The following MPP7 variants were observed in gnomAD, a reference collection of about 807,000 sequenced individuals.
MPP7 encodes the protein MAGUK p55 scaffold protein 7, also known as MAGUK p55 subfamily member 7.
Under a neutral mutation model 76.5 loss-of-function variants are expected in MPP7, and 60 were observed. The ratio of observed to expected loss-of-function variants is 0.78; its 90% CI spans 0.64 to 0.97. MPP7 has a LOEUF of 0.97. Ranked by LOEUF, MPP7 falls within the 50% of genes least tolerant of loss-of-function variation. The probability of loss-of-function intolerance (pLI) is 0.00; values close to 1 mark genes in which losing one functional copy is unlikely to be tolerated. For synonymous variants in MPP7, 237 were observed against 244.5 expected, an observed-to-expected ratio of 0.97 and a Z score of 0.29; for missense variants, 641 against 694.0, an observed-to-expected ratio of 0.92 and a Z score of 0.86.
chr10:28,206,972 T>G (rs1457013346), intron 2 of MPP7, among the ~76,000 whole-genome samples: 1 of 152,268 alleles, frequency 6.6e-6, no homozygotes, highest in East Asian at 1.9e-4. Flanking sequence ...AACAATTCTG[T>G]CAGGTGGCCT....
chr10:28,249,446 G>A (rs772065891), intron 1 of MPP7, among the ~76,000 whole-genome samples: 3 of 152,050 alleles, frequency 2.0e-5, no homozygotes, highest in African/African-American at 7.2e-5. Context: ...AAAATTAGCC[G>A]GGCATGGTGG....
At chr10:28,073,314 C>G (rs565481915) in intron 12 of MPP7, among the ~76,000 whole-genome samples, 1 of 152,134 alleles carries the variant, frequency 6.6e-6, no homozygotes, top group Non-Finnish European at 1.5e-5. Flanking sequence ...CCTCCTGTCC[C>G]GAAACAGCCT....
Position 28,202,239 on chromosome 10 carries a change from G to A in MPP7, c.70C>T (p.Gln24Ter). ...TGGCTATCCACATGTGGCTGCAGCT[G>A]GGCTGGCAGAGCAGCCAACAGCTCA... ...LYELLAALPA[Q>*]LQPHVDSQED... The change falls in exon 3 of 17, where the codon CAG (glutamine) becomes TAG (stop). Residue 24 changes from glutamine to a stop codon, truncating the protein, a stop_gained. Coordinates refer to ENST00000683449, the MANE Select transcript of MPP7 (RefSeq NM_001318170.2). LOFTEE classifies it high-confidence loss of function. 5 of 1,613,352 alleles carry A rather than the reference G, an allele frequency of 3.1e-6. No homozygotes were observed. Among genetic ancestry groups the A allele is most frequent in the Non-Finnish European group, 4.2e-6 (5 of 1,179,496 alleles).
At chr10:28,215,151 A>C (rs1365641366) in intron 2 of MPP7, among the ~76,000 whole-genome samples, 1 of 152,090 alleles carries the variant, frequency 6.6e-6, no homozygotes, top group Non-Finnish European at 1.5e-5. Context: ...AATTTCTTTA[A>C]ATTATCTTTA....
chr10:28,285,630 T>C (rs1840772904), intron 1 of MPP7, among the ~76,000 whole-genome samples: 1 of 152,200 alleles, frequency 6.6e-6, no homozygotes, highest in Non-Finnish European at 1.5e-5. Flanking sequence ...ATCTAGGCAA[T>C]GGTTATCAAT....
intron 1 of MPP7, among the ~76,000 whole-genome samples, chr10:28,292,004 A>C (rs1840932291): frequency 6.6e-6 from 1 of 152,206 alleles, no homozygotes; most frequent in Non-Finnish European, 1.5e-5. Flanking sequence ...CAGTCCAGAC[A>C]CATGTAACGT....
intron 2 of MPP7, among the ~76,000 whole-genome samples, chr10:28,208,186 T>C (rs1040303576): frequency 6.6e-6 from 1 of 152,096 alleles, no homozygotes; most frequent in Non-Finnish European, 1.5e-5. Context: ...CACAAGATGG[T>C]TGGGTTCCTT....
chr10:28,063,871 T>C (rs1851890841), intron 13 of MPP7, among the ~76,000 whole-genome samples: 1 of 152,202 alleles, frequency 6.6e-6, no homozygotes, highest in South Asian at 2.1e-4. Context: ...CATTAGTTAA[T>C]GCAAACTGAA....
intron 2 of MPP7, among the ~76,000 whole-genome samples, chr10:28,321,038 GGGA>G (rs1401811543): frequency 6.6e-6 from 1 of 152,034 alleles, no homozygotes; most frequent in Non-Finnish European, 1.5e-5. Flanking sequence ...CTCCCCACCG[GGGA>G]GATAGGCAGT....
chr10:28,083,831 C>T (rs1852879744), intron 12 of MPP7, among the ~76,000 whole-genome samples: 2 of 152,182 alleles, frequency 1.3e-5, no homozygotes, highest in African/African-American at 4.8e-5. Flanking sequence ...AGCCACCGCA[C>T]CTGGCCTTTA....
intron 8 of MPP7, among the ~76,000 whole-genome samples, chr10:28,121,037 C>T (rs1174764606): frequency 1.3e-5 from 2 of 152,252 alleles, no homozygotes; most frequent in Non-Finnish European, 1.5e-5. Flanking sequence ...GGTCTGGGTG[C>T]AGTGGCTCGT....
chr10:28,080,286 G>C (rs1313700467), intron 12 of MPP7, among the ~76,000 whole-genome samples: 3 of 152,110 alleles, frequency 2.0e-5, no homozygotes, highest in South Asian at 2.1e-4. Context: ...TATGACAAGA[G>C]TGCAATAAAA....
At chr10:28,307,857 A>G (rs1841267789), upstream of MPP7, among the ~76,000 whole-genome samples, 1 of 152,176 alleles carries the variant, frequency 6.6e-6, no homozygotes, top group African/African-American at 2.4e-5. Flanking sequence ...AGAAGGGGGA[A>G]GAGTCCAGGA....
intron 11 of MPP7, among the ~76,000 whole-genome samples, chr10:28,094,987 A>G (rs1254890419): frequency 2.0e-5 from 3 of 151,986 alleles, no homozygotes; most frequent in Admixed American, 1.3e-4. Context: ...TAAAAAATAC[A>G]ACAGAAAGGT....
At chr10:28,315,221 AAGGG>A (rs1238165489) in intron 2 of MPP7, among the ~76,000 whole-genome samples, 1 of 138,270 alleles carries the variant, frequency 7.2e-6, no homozygotes, top group Non-Finnish European at 1.6e-5. Context: ...GGAAGGAAGG[AAGGG>A]AGGGAGGGAG....
At chr10:28,313,590 T>C (rs1841301916) in intron 2 of MPP7, among the ~76,000 whole-genome samples, 1 of 152,144 alleles carries the variant, frequency 6.6e-6, no homozygotes, top group Non-Finnish European at 1.5e-5. Context: ...ATATACATAA[T>C]ATAGCTGAAG....
At chr10:28,137,229 C>A (rs147893542) in intron 5 of MPP7, among the ~76,000 whole-genome samples, 4 of 152,110 alleles carry the variant, frequency 2.6e-5, no homozygotes, top group East Asian at 1.9e-4. Context: ...AATTCTATAC[C>A]CAGCAAAAAT....
chr10:28,059,807 A>G (rs1851705674), intron 13 of MPP7, 64 bp from the exon 14 acceptor site: 1 of 1,084,280 alleles, frequency 9.2e-7, no homozygotes, highest in South Asian at 1.4e-5. Context: ...AAATACTAAA[A>G]AAGAAATCAA....
At chr10:28,215,583 A>G (rs962635733) in intron 2 of MPP7, among the ~76,000 whole-genome samples, 3 of 152,106 alleles carry the variant, frequency 2.0e-5, no homozygotes, top group Non-Finnish European at 4.4e-5. Flanking sequence ...TGCTGAAGTG[A>G]GGAACAGAAA....
Sources: gnomAD v4.1 joint callset for allele counts (sites outside exome capture counted in the v4.1 genomes callset) on GRCh38, gnomAD v4.1.1 for gene constraint, MANE v1.5 for transcripts, NCBI Gene and HGNC (gene_info 2026-07-23, HGNC 2026-07-21) for gene names.